DPYSL2: variants seen among roughly 807,000 people sequenced by gnomAD.
DPYSL2 encodes dihydropyrimidinase like 2.
In DPYSL2, 13 loss-of-function variants were observed where a neutral mutation model predicts 69.9. The observed-to-expected ratio is 0.19, with a 90% confidence interval of 0.12 to 0.30. The LOEUF is 0.30. Ranked by LOEUF, DPYSL2 falls within the 10% of genes least tolerant of loss-of-function variation. The pLI, the probability that DPYSL2 is intolerant of heterozygous loss-of-function variation, is 1.00. For missense variants in DPYSL2, 587 were observed against 918.9 expected, an observed-to-expected ratio of 0.64 and a Z score of 4.67; for synonymous variants, 326 against 359.1, an observed-to-expected ratio of 0.91 and a Z score of 1.04.
At chr8:26,608,632 C>G (rs977721483) in intron 3 of DPYSL2, among the ~76,000 whole-genome samples, 12 of 152,218 alleles carry the variant, frequency 7.9e-5, no homozygotes, top group African/African-American at 2.9e-4. Context: ...GGTCCCTTAT[C>G]AGCCTTAAAC....
chr8:26,546,478 T>A (rs1422160570), intron 1 of DPYSL2, among the ~76,000 whole-genome samples: 2 of 152,026 alleles, frequency 1.3e-5, no homozygotes, highest in Non-Finnish European at 2.9e-5. Context: ...CTTTCTAGAG[T>A]CTTTTAAAAA....
intron 3 of DPYSL2, among the ~76,000 whole-genome samples, chr8:26,604,228 C>T (rs1042754761): frequency 6.6e-6 from 1 of 152,156 alleles, no homozygotes; most frequent in Non-Finnish European, 1.5e-5. Flanking sequence ...GAAAAAATAC[C>T]TCTTCAAATG....
chr8:26,525,914 T>C (rs993313517), intron 1 of DPYSL2, among the ~76,000 whole-genome samples: 1 of 152,220 alleles, frequency 6.6e-6, no homozygotes, highest in African/African-American at 2.4e-5. Flanking sequence ...TTAAGACACA[T>C]GTATTTTTAA....
intron 1 of DPYSL2, among the ~76,000 whole-genome samples, chr8:26,522,388 G>A (rs1434783889): frequency 6.6e-6 from 1 of 152,198 alleles, no homozygotes; most frequent in East Asian, 1.9e-4. Flanking sequence ...TGCTGGTCAT[G>A]TAATAATTCT....
chr8:26,627,149 T>C lies in DPYSL2; in HGVS notation c.856-66T>C. On this transcript the variant is annotated intron_variant, in intron 5 of 13. Coordinates refer to ENST00000521913, the MANE Select transcript of DPYSL2 (RefSeq NM_001197293.3). The surrounding 1 kb of genome is among the most constrained non-coding windows in gnomAD (Gnocchi z 6.9). ...CCCAGAAATGCCTCTGGTGGGGAGA[T>C]GATTGTCTTTGTGAACAGGAAGATG... The C allele has an allele frequency of 1.4e-6, 2 of 1,459,432 alleles. No individual in the cohort carries two copies. Among genetic ancestry groups the C allele is most frequent in the Non-Finnish European group, 1.9e-6 (2 of 1,040,746 alleles). The allele number at this position is 1,459,432 out of a possible 1,614,324, so 90.4% of individuals were successfully genotyped here. A position where few individuals can be genotyped will look rare whatever the true frequency, so the allele number is the denominator to read the frequency against.
chr8:26,552,808 A>T lies in DPYSL2; in HGVS notation c.355-29161A>T, dbSNP rs116210984. Among the ~76,000 whole-genome samples, 238 of 152,320 alleles carry T rather than the reference A, an allele frequency of 1.6e-3. 1 individual carries two copies. Among genetic ancestry groups the T allele is most frequent in the African/African-American group, 5.4e-3 (226 of 41,562 alleles). On this transcript the variant is annotated intron_variant, in intron 1 of 13. Coordinates refer to ENST00000521913, the MANE Select transcript of DPYSL2 (RefSeq NM_001197293.3). ...CATGAGTGCAGAGCCCTCATGACCC[A>T]GTCACCTTCCAAAGATTCTACCTCT...
Position 26,655,927 on chromosome 8 carries a change from G to A in DPYSL2, c.*221G>A, listed in dbSNP as rs542974884. The A allele has an allele frequency of 7.2e-6, 3 of 415,072 alleles. No homozygotes were observed. The South Asian group carries it at 2.3e-4, about 32-fold the overall frequency. 25.7% of individuals were successfully genotyped at this position (415,072 alleles called of 1,614,324 possible). On this transcript the variant is annotated 3_prime_UTR_variant, in exon 14 of 14. Coordinates refer to ENST00000521913, the MANE Select transcript of DPYSL2 (RefSeq NM_001197293.3). ...TCATCCACTTCCCTACACATCTATG[G>A]GTATCACACCCAAGACTACCCACCA...
intron 1 of DPYSL2, among the ~76,000 whole-genome samples, chr8:26,544,586 C>G (rs1199030406): frequency 6.6e-6 from 1 of 152,156 alleles, no homozygotes; most frequent in African/African-American, 2.4e-5. Context: ...CTGAAAGTAT[C>G]ATCTATATTG....
Position 26,609,089 on chromosome 8 carries a change from C to T in DPYSL2, c.629-15054C>T, listed in dbSNP as rs1166593429. On this transcript the variant is annotated intron_variant, in intron 3 of 13. Transcript: ENST00000521913. This position sits in a 1 kb window ranked among gnomAD's most constrained non-coding sequence, Gnocchi z 6.5. ...GTGGGTGTCCATTTGCTGACGAGCA[C>T]CCTGTGTACACGCTAGTTTTTATTT... Among the ~76,000 whole-genome samples the T allele has an allele frequency of 6.6e-6, 1 of 152,194 alleles. No homozygotes were observed. Among genetic ancestry groups the T allele is most frequent in the Admixed American group, 6.5e-5 (1 of 15,278 alleles).
chr8:26,558,539 C>T (rs886327297), intron 1 of DPYSL2, among the ~76,000 whole-genome samples: 2 of 152,120 alleles, frequency 1.3e-5, no homozygotes, highest in Non-Finnish European at 2.9e-5. Context: ...TTTTTAAAAC[C>T]ATGGAATATA....
Position 26,543,283 on chromosome 8 carries a change from C to T in DPYSL2, c.354+28604C>T, listed in dbSNP as rs373429938. On this transcript the variant is annotated intron_variant, in intron 1 of 13. Coordinates refer to ENST00000521913, the MANE Select transcript of DPYSL2 (RefSeq NM_001197293.3). ...CAGTTCAGCCAAAGAGATGCACATA[C>T]GTCAGTTGGCTACAGTCAAAATGTA... Among the ~76,000 whole-genome samples the T allele has an allele frequency of 2.0e-5, 3 of 152,164 alleles. No individual in the cohort carries two copies. The South Asian group carries it at 6.2e-4, about 32-fold the overall frequency.
chr8:26,619,387 G>A lies in DPYSL2; in HGVS notation c.629-4756G>A, dbSNP rs1802431032. The A allele has an allele frequency of 6.6e-6, 1 of 152,176 alleles. No individual in the cohort carries two copies. The highest frequency in any genetic ancestry group is 2.4e-5 in the African/African-American group (1 of 41,434). The allele number at this position is 152,176 out of a possible 1,614,324, so 9.4% of individuals were successfully genotyped here. ...TTATTTCCCCAAAGTGCTCAGCTGT[G>A]TCCGGGTCCTGAGTTTTTCAAGGGT... On this transcript the variant is annotated intron_variant, in intron 3 of 13. Coordinates refer to ENST00000521913, the MANE Select transcript of DPYSL2 (RefSeq NM_001197293.3). This position sits in a 1 kb window ranked among gnomAD's most constrained non-coding sequence, Gnocchi z 4.8.
intron 3 of DPYSL2, among the ~76,000 whole-genome samples, chr8:26,608,297 A>G (rs761824447): frequency 5.9e-5 from 9 of 152,206 alleles, no homozygotes; most frequent in African/African-American, 9.7e-5. Flanking sequence ...ATACATCAAC[A>G]TAGTAATAGT....
chr8:26,541,355 TGAG>T (rs1457220711), intron 1 of DPYSL2, among the ~76,000 whole-genome samples: 2 of 152,178 alleles, frequency 1.3e-5, no homozygotes, highest in African/African-American at 2.4e-5. Context: ...CAAACAAAAA[TGAG>T]GAGTTCATTA....
At chr8:26,631,742 C>T (rs555316281) in intron 7 of DPYSL2, among the ~76,000 whole-genome samples, 1 of 152,040 alleles carries the variant, frequency 6.6e-6, no homozygotes, top group Non-Finnish European at 1.5e-5. Context: ...TCCTTTTAGC[C>T]ATATGACAGC....
At chr8:26,570,978 C>T (rs1423423235) in intron 1 of DPYSL2, among the ~76,000 whole-genome samples, 1 of 152,162 alleles carries the variant, frequency 6.6e-6, no homozygotes. Flanking sequence ...TAATTTCCTC[C>T]TCACTGACAA....
At chr8:26,577,279 C>G (rs431246) in intron 1 of DPYSL2, 86,535 of 316,228 alleles carry the variant, frequency 0.27, 11,678 homozygotes, top group South Asian at 0.37. Flanking sequence ...AGCAGCCGCC[C>G]TCTCCGGGGC....
At chr8:26,562,000 A>C (rs1801078889) in intron 1 of DPYSL2, among the ~76,000 whole-genome samples, 1 of 152,154 alleles carries the variant, frequency 6.6e-6, no homozygotes, top group Non-Finnish European at 1.5e-5. Flanking sequence ...TCTAGAGTTC[A>C]CACTTGATAT....
intron 1 of DPYSL2, among the ~76,000 whole-genome samples, chr8:26,529,233 AATCTATCT>A (rs56968092): frequency 7.6e-4 from 109 of 144,050 alleles, no homozygotes; most frequent in African/African-American, 2.7e-3. Context: ...TATAAATTTA[AATCTATCT>A]ATCTATCTAT....
Sources: gnomAD v4.1 joint callset for allele counts (sites outside exome capture counted in the v4.1 genomes callset) on GRCh38, gnomAD v4.1.1 for gene constraint, Gnocchi (gnomAD v3.1) non-coding constraint, MANE v1.5 for transcripts, NCBI Gene and HGNC (gene_info 2026-07-23, HGNC 2026-07-21) for gene names.